Variants in NUDT11 observed in about 807,000 individuals in gnomAD.
NUDT11 encodes diphosphoinositol polyphosphate phosphohydrolase 3-beta.
Under a neutral mutation model 10.0 loss-of-function variants are expected in NUDT11, and 1 was observed. The ratio of observed to expected loss-of-function variants is 0.10; its 90% CI spans 0.04 to 0.47. NUDT11 has a LOEUF of 0.47. NUDT11 is among the 20% of genes least tolerant of loss of function. The pLI, the probability that NUDT11 is intolerant of heterozygous loss-of-function variation, is 0.96. For missense variants in NUDT11, 47 were observed against 140.4 expected, an observed-to-expected ratio of 0.33 and a Z score of 3.36; for synonymous variants, 63 against 65.9, an observed-to-expected ratio of 0.96 and a Z score of 0.21.
chrX:51,495,882 G>T, intron 1 of NUDT11, 69 bp downstream of exon 1: 1 of 1,176,052 alleles, frequency 8.5e-7, no homozygotes, highest in South Asian at 1.9e-5. Context: ...CACGAGAGGT[G>T]CTCCAGGCGG....
At position 51,491,682 on chromosome X, in the gene NUDT11, A is replaced by G. The variant is rs1169782413; in HGVS notation, c.*67T>C. 5.3e-6 allele frequency: 3 copies of G among 567,814 alleles called. No individual in the cohort carries two copies. In the African/African-American group the frequency reaches 6.7e-5, roughly 13 times the overall value. The allele number at this position is 567,814 out of a possible 1,213,427, so 46.8% of individuals were successfully genotyped here. A position where few individuals can be genotyped will look rare whatever the true frequency, so the allele number is the denominator to read the frequency against. On this transcript the variant is annotated 3_prime_UTR_variant, in exon 2 of 2. Coordinates refer to ENST00000375992, the MANE Select transcript of NUDT11 (RefSeq NM_018159.4). The stretch of plus-strand genomic sequence containing the variant: ...CAGAAGTGCTCACCTGTACTTGACA[A>G]TTCCACTGATCACTGGGTTCACATC...
Position 51,496,175 on chromosome X carries a change from C to G in NUDT11, c.270G>C (p.Lys90Asn). ...LGVFEQNQDR[K>N]HRTYVYVLTV... ...TCAGTACATACACGTACGTTCTGTG[C>G]TTGCGATCCTGGTTCTGTTCGAAGA... is the stretch of plus-strand genomic sequence containing the variant. The change falls in exon 1 of 2, where the codon AAG becomes AAC. Residue 90 changes from lysine (K) to asparagine (N), a missense_variant. Transcript: ENST00000375992. 1 of 1,211,822 alleles carries G rather than the reference C, an allele frequency of 8.3e-7. No homozygotes were observed. The highest frequency in any genetic ancestry group is 1.1e-6 in the Non-Finnish European group (1 of 895,450).
At position 51,490,159 on chromosome X, in the gene NUDT11, C is replaced by A. The variant is rs1557326050; in HGVS notation, c.*1590G>T. On this transcript the variant is annotated 3_prime_UTR_variant, in exon 2 of 2. Coordinates refer to ENST00000375992, the MANE Select transcript of NUDT11 (RefSeq NM_018159.4). ...TTCATCTATGTACTCAATTACCCCA[C>A]ACTCAGATGATTTTGAAGCGAATAC... 2 of 111,864 alleles carry A rather than the reference C, an allele frequency of 1.8e-5. No homozygotes were observed. The highest frequency in any genetic ancestry group is 6.5e-5 in the African/African-American group (2 of 30,807). The allele number at this position is 111,864 out of a possible 1,213,427, so 9.2% of individuals were successfully genotyped here.
rs191574035 is a variant in NUDT11 at position 51,490,327 on chromosome X, A to C, written c.*1422T>G. 8.9e-6 allele frequency: 1 copy of C among 112,377 alleles called. No homozygotes were observed. The highest frequency in any genetic ancestry group is 2.8e-4 in the East Asian group (1 of 3,566). The allele number at this position is 112,377 out of a possible 1,213,427, so 9.3% of individuals were successfully genotyped here. ...GTTATATTTTTATTTCAAATTATGT[A>C]ACAACTGGGGACACAATCAATACAT... On this transcript the variant is annotated 3_prime_UTR_variant, in exon 2 of 2. Coordinates refer to ENST00000375992, the MANE Select transcript of NUDT11 (RefSeq NM_018159.4).
chrX:51,490,905 C>T lies in NUDT11; in HGVS notation c.*844G>A. 1 of 112,181 alleles carries T rather than the reference C, an allele frequency of 8.9e-6. No individual in the cohort carries two copies. The highest frequency in any genetic ancestry group is 1.9e-5 in the Non-Finnish European group (1 of 53,235). The allele number at this position is 112,181 out of a possible 1,213,427, so 9.2% of individuals were successfully genotyped here. ...ATGTTAAATCTGTAAAATGAGGAAA[C>T]AGTGTTTCCTCAAAGAGATGTTAAG... On this transcript the variant is annotated 3_prime_UTR_variant, in exon 2 of 2. Coordinates refer to ENST00000375992, the MANE Select transcript of NUDT11 (RefSeq NM_018159.4).
chrX:51,491,378 T>C lies in NUDT11; in HGVS notation c.*371A>G, dbSNP rs868911323. 4 of 167,995 alleles carry C rather than the reference T, an allele frequency of 2.4e-5. No homozygotes were observed. The highest frequency in any genetic ancestry group is 2.6e-4 in the South Asian group (1 of 3,869). 13.8% of individuals were successfully genotyped at this position (167,995 alleles called of 1,213,427 possible). A position where few individuals can be genotyped will look rare whatever the true frequency, so the allele number is the denominator to read the frequency against. On this transcript the variant is annotated 3_prime_UTR_variant, in exon 2 of 2. Transcript: ENST00000375992. Reference sequence around the variant, plus strand: ...CCACACGGTGATTACAAAATATTAATTGAATCAAAGAACCTTCAGTGATGC... The same window carrying C: ...CCACACGGTGATTACAAAATATTAACTGAATCAAAGAACCTTCAGTGATGC...
In NUDT11 at chrX:51,496,202, G is replaced by A. The variant is rs1925703322; in HGVS notation, c.243C>T (p.Gly81=). The change falls in exon 1 of 2, where the codon GGC becomes GGT. Residue 81 remains glycine, a synonymous_variant. Transcript: ENST00000375992. The part of the protein sequence containing the change: ...GVKGKLGRLL[G]VFEQNQDRKH... The stretch of plus-strand genomic sequence containing the variant: ...TGCGATCCTGGTTCTGTTCGAAGAC[G>A]CCCAGGAGCCGGCCTAACTTCCCCT... The A allele has an allele frequency of 5.8e-6, 7 of 1,211,352 alleles. No individual in the cohort carries two copies. In the Admixed American group the frequency reaches 1.3e-4, roughly 23 times the overall value.
At position 51,496,247 on chromosome X, in the gene NUDT11, C is replaced by G. The variant is rs370365928; in HGVS notation, c.198G>C (p.Val66=). 28 of 1,211,372 alleles carry G rather than the reference C, an allele frequency of 2.3e-5. No individual in the cohort carries two copies. The highest frequency in any genetic ancestry group is 1.9e-5 in the Non-Finnish European group (17 of 895,309). The change falls in exon 1 of 2, where the codon GTG becomes GTC. Residue 66 remains valine, a synonymous_variant. Transcript: ENST00000375992. ...TCCCCTTGACTCCCGCTTCTTCGTA[C>G]ACCTCTCGGACCGCCGCACCGCCCG... ...EEPGGAAVRE[V]YEEAGVKGKL...
chrX:51,494,876 T>C (rs1557326497), intron 1 of NUDT11, among the ~76,000 whole-genome samples: 6 of 112,139 alleles, frequency 5.4e-5, no homozygotes, highest in Non-Finnish European at 5.6e-5. Context: ...GCTAACTCAG[T>C]TGGGATGTAA....
Position 51,490,100 on chromosome X carries a change from G to A in NUDT11, c.*1649C>T, listed in dbSNP as rs1272642242. 2 of 111,492 alleles carry A rather than the reference G, an allele frequency of 1.8e-5. No individual in the cohort carries two copies. Among genetic ancestry groups the A allele is most frequent in the East Asian group, 5.6e-4 (2 of 3,552 alleles). 9.2% of individuals were successfully genotyped at this position (111,492 alleles called of 1,213,427 possible). On this transcript the variant is annotated 3_prime_UTR_variant, in exon 2 of 2. Coordinates refer to ENST00000375992, the MANE Select transcript of NUDT11 (RefSeq NM_018159.4). ...TGAACTCTCAAACATCCATCACACA[G>A]CTTCAGCAATTACCAATTTATGGCC...
At position 51,496,536 on chromosome X, in the gene NUDT11, G is replaced by A; in HGVS notation, c.-92C>T. 1.7e-6 allele frequency: 2 copies of A among 1,154,893 alleles called. No homozygotes were observed. Among genetic ancestry groups the A allele is most frequent in the East Asian group, 3.1e-5 (1 of 32,739 alleles). Reference sequence around the variant, plus strand: ...CTGCCGCCGCCGGGGAACAGCCGAGGTGCTGGGAAGAGAAAGGGCCGAGGC... The same window carrying A: ...CTGCCGCCGCCGGGGAACAGCCGAGATGCTGGGAAGAGAAAGGGCCGAGGC... On this transcript the variant is annotated 5_prime_UTR_variant, in exon 1 of 2. Transcript: ENST00000375992.
chrX:51,495,056 G>C (rs1217195978), intron 1 of NUDT11, among the ~76,000 whole-genome samples: 2 of 111,927 alleles, frequency 1.8e-5, no homozygotes, highest in Admixed American at 9.5e-5. Context: ...TGGAAGTTGA[G>C]TATGGGAAAT....
chrX:51,495,856 G>C, intron 1 of NUDT11, 95 bp downstream of exon 1: 1 of 1,130,316 alleles, frequency 8.8e-7, no homozygotes, highest in Non-Finnish European at 1.2e-6. Context: ...CCTCCTCCCC[G>C]TGAGACCGCA....
chrX:51,494,744 C>T (rs1925664897), intron 1 of NUDT11, among the ~76,000 whole-genome samples: 1 of 111,511 alleles, frequency 9.0e-6, no homozygotes, highest in Non-Finnish European at 1.9e-5. Flanking sequence ...GATGTAGATG[C>T]TGGTCACCTG....
Position 51,495,697 on chromosome X carries a change from G to A in NUDT11, c.494+254C>T, listed in dbSNP as rs1463338570. Among the ~76,000 whole-genome samples the A allele has an allele frequency of 1.1e-4, 11 of 101,582 alleles. No individual in the cohort carries two copies. In the Admixed American group the frequency reaches 1.2e-3, roughly 11 times the overall value. The allele number at this position is 101,582 out of a possible 115,157, so 88.2% of individuals were successfully genotyped here. ...GGCACCTAAAACCCCAAGCCGCATA[G>A]GCTTCCCCGAAACATTTTACAGTGT... is the stretch of plus-strand genomic sequence containing the variant. On this transcript the variant is annotated intron_variant, in intron 1 of 1. Coordinates refer to ENST00000375992, the MANE Select transcript of NUDT11 (RefSeq NM_018159.4).
In NUDT11 at chrX:51,490,067, T is replaced by C. The variant is rs1925560074; in HGVS notation, c.*1682A>G. On this transcript the variant is annotated 3_prime_UTR_variant, in exon 2 of 2. Coordinates refer to ENST00000375992, the MANE Select transcript of NUDT11 (RefSeq NM_018159.4). ...CAAACATATACAAAAGTATAGAGAA[T>C]AGTATAATGAACTCTCAAACATCCA... 2 of 111,704 alleles carry C rather than the reference T, an allele frequency of 1.8e-5. No homozygotes were observed. Among genetic ancestry groups the C allele is most frequent in the Admixed American group, 9.5e-5 (1 of 10,473 alleles). 9.2% of individuals were successfully genotyped at this position (111,704 alleles called of 1,213,427 possible). A position where few individuals can be genotyped will look rare whatever the true frequency, so the allele number is the denominator to read the frequency against.
chrX:51,494,773 C>T (rs1376205662), intron 1 of NUDT11, among the ~76,000 whole-genome samples: 2 of 111,678 alleles, frequency 1.8e-5, no homozygotes, highest in Non-Finnish European at 3.8e-5. Flanking sequence ...ATAGGGTGTC[C>T]TGTGAGACAA....
chrX:51,496,271 C>T lies in NUDT11; in HGVS notation c.174G>A (p.Pro58=), dbSNP rs1557326663. Residue 58 remains proline, a synonymous_variant, in exon 1 of 2, where the codon CCG becomes CCA. Transcript: ENST00000375992. ...PGGGMEPEEE[P]GGAAVREVYE... Reference sequence around the variant, plus strand: ...ACACCTCTCGGACCGCCGCACCGCCCGGCTCCTCCTCGGGCTCCATGCCCC... The same window carrying T: ...ACACCTCTCGGACCGCCGCACCGCCTGGCTCCTCCTCGGGCTCCATGCCCC... The T allele has an allele frequency of 9.1e-6, 11 of 1,208,378 alleles. No homozygotes were observed. The East Asian group carries it at 2.4e-4, about 26-fold the overall frequency.
chrX:51,493,110 C>T (rs1218451690), intron 1 of NUDT11, among the ~76,000 whole-genome samples: 1 of 112,508 alleles, frequency 8.9e-6, no homozygotes, highest in East Asian at 2.8e-4. Context: ...CACACACATA[C>T]TTCTTGAGAA....
Sources: allele counts gnomAD v4.1 joint callset (sites outside exome capture counted in the v4.1 genomes callset), GRCh38; gene constraint gnomAD v4.1.1; transcripts MANE v1.5; gene names NCBI Gene and HGNC (gene_info 2026-07-23, HGNC 2026-07-21).